Variants in FBXO42 observed in about 807,000 individuals in gnomAD.
FBXO42 encodes F-box protein 42, also known as F-box only protein 42.
Under a neutral mutation model 71.7 loss-of-function variants are expected in FBXO42, and 12 were observed. That is an observed-to-expected ratio of 0.17 (90% CI 0.11 to 0.27). The LOEUF is 0.27. Among genes scored for constraint, FBXO42 ranks in the 10% least tolerant of loss-of-function variants. FBXO42 has a pLI of 1.00. For missense variants in FBXO42, 707 were observed against 911.9 expected, an observed-to-expected ratio of 0.78 and a Z score of 2.89; for synonymous variants, 325 against 327.5, an observed-to-expected ratio of 0.99 and a Z score of 0.08.
chr1:16,309,810 C>T (rs549604422), intron 2 of FBXO42, among the ~76,000 whole-genome samples: 19 of 151,616 alleles, frequency 1.3e-4, no homozygotes, highest in Non-Finnish European at 2.5e-4. Flanking sequence ...TTTGGGAGGC[C>T]GAGGTGGGTG....
At chr1:16,350,043 A>G (rs1369710279) in intron 1 of FBXO42, among the ~76,000 whole-genome samples, 3 of 152,158 alleles carry the variant, frequency 2.0e-5, no homozygotes, top group African/African-American at 7.2e-5. Flanking sequence ...CCTGCTCTGA[A>G]TCTTACTCAG....
At chr1:16,320,999 A>AG (rs1279608261) in intron 1 of FBXO42, among the ~76,000 whole-genome samples, 2 of 152,308 alleles carry the variant, frequency 1.3e-5, no homozygotes, top group Non-Finnish European at 2.9e-5. Flanking sequence ...GAATCAATGG[A>AG]GGCTGCAAAA....
chr1:16,302,900 T>G (rs780628406), intron 3 of FBXO42, among the ~76,000 whole-genome samples: 2 of 151,972 alleles, frequency 1.3e-5, no homozygotes, highest in Non-Finnish European at 2.9e-5. Flanking sequence ...TGATCCAGTC[T>G]CCTCCCACCA....
At chr1:16,281,044 C>G (rs1172834051) in intron 4 of FBXO42, among the ~76,000 whole-genome samples, 10 of 152,186 alleles carry the variant, frequency 6.6e-5, no homozygotes, top group African/African-American at 1.4e-4. Context: ...CTCACCGCAA[C>G]CTCTGCCTCC....
Position 16,339,157 on chromosome 1 carries a change from C to T in FBXO42, c.-18+13098G>A, listed in dbSNP as rs548743723. Among the ~76,000 whole-genome samples, 6 of 151,976 alleles carry T rather than the reference C, an allele frequency of 3.9e-5. No individual in the cohort carries two copies. The South Asian group carries it at 1.2e-3, about 32-fold the overall frequency. ...GTGGTCAGGGCAAAGGAATGCCTTC[C>T]TGCTTCTGCCTCCTACTCACTTCTC... On this transcript the variant is annotated intron_variant, in intron 1 of 9. Coordinates refer to ENST00000375592, the MANE Select transcript of FBXO42 (RefSeq NM_018994.3).
intron 4 of FBXO42, among the ~76,000 whole-genome samples, chr1:16,281,395 CA>C (rs1216627953): frequency 2.0e-5 from 3 of 152,126 alleles, no homozygotes; most frequent in African/African-American, 4.8e-5. Context: ...GGTCCACGTA[CA>C]TCTCCTGGGA....
In FBXO42 at chr1:16,251,259, G is replaced by A; in HGVS notation, c.1565C>T (p.Thr522Ile). 6.2e-7 allele frequency: 1 copy of A among 1,614,216 alleles called. No individual in the cohort carries two copies. The highest frequency in any genetic ancestry group is 8.5e-7 in the Non-Finnish European group (1 of 1,180,028). ...SNPMDGMDNR[T>I]VGGSMRHPPE... ...AGGGTGTCTCATACTTCCCCCAACT[G>A]TCCTATTGTCCATGCCATCCATGGG... Residue 522 changes from threonine to isoleucine, a missense_variant, in exon 10 of 10, where the codon ACA (threonine) becomes ATA (isoleucine). Coordinates refer to ENST00000375592, the MANE Select transcript of FBXO42 (RefSeq NM_018994.3). This position sits in a 1 kb window ranked among gnomAD's most constrained non-coding sequence, Gnocchi z 4.5.
rs1324249481 is a variant in FBXO42, at chr1:16,247,529, T to C, written c.*3141A>G. The C allele has an allele frequency of 7.1e-6, 1 of 139,986 alleles. No individual in the cohort carries two copies. Among genetic ancestry groups the C allele is most frequent in the Non-Finnish European group, 1.7e-5 (1 of 59,814 alleles). 8.7% of individuals were successfully genotyped at this position (139,986 alleles called of 1,614,324 possible). ...CCTCCAAAGTCAAGGCTTCTTAAGT[T>C]GGTTTTCTTTCTTCCTCCTCCTCCT... On this transcript the variant is annotated 3_prime_UTR_variant, in exon 10 of 10. Coordinates refer to ENST00000375592, the MANE Select transcript of FBXO42 (RefSeq NM_018994.3).
At chr1:16,285,145 AAAAC>A (rs781594371) in intron 4 of FBXO42, among the ~76,000 whole-genome samples, 36 of 151,982 alleles carry the variant, frequency 2.4e-4, no homozygotes, top group African/African-American at 6.8e-4. Context: ...ACTCATCTCA[AAAAC>A]AAACAAACAA....
At chr1:16,337,265 T>G (rs1276472801) in intron 1 of FBXO42, among the ~76,000 whole-genome samples, 3 of 152,134 alleles carry the variant, frequency 2.0e-5, no homozygotes, top group African/African-American at 4.8e-5. Context: ...ATGCCAGCAC[T>G]GCCAGTTTGG....
chr1:16,339,533 G>C (rs575393280), intron 1 of FBXO42, among the ~76,000 whole-genome samples: 74 of 151,626 alleles, frequency 4.9e-4, no homozygotes, highest in African/African-American at 1.7e-3. Flanking sequence ...GGATGGTCTT[G>C]ATGTCTTGAC....
chr1:16,320,316 A>G (rs887425853), intron 1 of FBXO42, among the ~76,000 whole-genome samples: 2 of 144,902 alleles, frequency 1.4e-5, no homozygotes, highest in African/African-American at 2.5e-5. Flanking sequence ...AGCCGAGATC[A>G]TGCCACCGCA....
chr1:16,334,950 C>T (rs1046697949), intron 1 of FBXO42, among the ~76,000 whole-genome samples: 2 of 150,472 alleles, frequency 1.3e-5, no homozygotes, highest in African/African-American at 2.4e-5. Flanking sequence ...ATAATGGCCA[C>T]GCGCAGTGGT....
At chr1:16,323,718 A>T (rs1277620294) in intron 1 of FBXO42, among the ~76,000 whole-genome samples, 1 of 143,090 alleles carries the variant, frequency 7.0e-6, no homozygotes, top group Non-Finnish European at 1.5e-5. Context: ...TGAACCCAGG[A>T]GGCGGAGATT....
In FBXO42 at chr1:16,352,449, G is replaced by A. The variant is rs192507203; in HGVS notation, c.-212C>T. 1.9e-4 allele frequency: 77 copies of A among 398,620 alleles called. No individual in the cohort carries two copies. Among genetic ancestry groups the A allele is most frequent in the African/African-American group, 1.5e-3 (71 of 48,688 alleles). 24.7% of individuals were successfully genotyped at this position (398,620 alleles called of 1,614,324 possible). A position where few individuals can be genotyped will look rare whatever the true frequency, so the allele number is the denominator to read the frequency against. On this transcript the variant is annotated 5_prime_UTR_variant, in exon 1 of 10. Coordinates refer to ENST00000375592, the MANE Select transcript of FBXO42 (RefSeq NM_018994.3). The stretch of plus-strand genomic sequence containing the variant: ...CTCAAACGCCGCCGCCGCCGCAGCT[G>A]CTGCTGCTCAGGCCGGGAGAAGACA...
chr1:16,306,572 A>G (rs1373103966), intron 2 of FBXO42, among the ~76,000 whole-genome samples: 1 of 152,220 alleles, frequency 6.6e-6, no homozygotes, highest in Non-Finnish European at 1.5e-5. Flanking sequence ...GCCTTATGAA[A>G]GAGTATGATA....
At chr1:16,344,184 A>G (rs2082634085) in intron 1 of FBXO42, among the ~76,000 whole-genome samples, 1 of 151,104 alleles carries the variant, frequency 6.6e-6, no homozygotes, top group African/African-American at 2.4e-5. Flanking sequence ...TTTAGTAGAG[A>G]TGGGGTTTCC....
At chr1:16,255,577 C>A in intron 6 of FBXO42, 134 bp downstream of exon 6, 1 of 656,602 alleles carries the variant, frequency 1.5e-6, no homozygotes, top group Non-Finnish European at 2.5e-6. Context: ...TCAGGTGATC[C>A]ACCCACCTTG....
chr1:16,301,235 T>G (rs1015768076), intron 3 of FBXO42, among the ~76,000 whole-genome samples: 2 of 152,130 alleles, frequency 1.3e-5, no homozygotes, highest in African/African-American at 4.8e-5. Flanking sequence ...GACTTTTTTG[T>G]CCCAGACTTT....
Sources: allele counts gnomAD v4.1 joint callset (sites outside exome capture counted in the v4.1 genomes callset), GRCh38; gene constraint gnomAD v4.1.1; non-coding constraint Gnocchi (gnomAD v3.1); transcripts MANE v1.5; gene names NCBI Gene and HGNC (gene_info 2026-07-23, HGNC 2026-07-21).